The following CSMD2 variants were observed in gnomAD, a reference collection of about 807,000 sequenced individuals.
CSMD2 encodes the protein CUB and Sushi multiple domains 2.
In CSMD2, 130 loss-of-function variants were observed where a neutral mutation model predicts 398.5. The ratio of observed to expected loss-of-function variants is 0.33; its 90% CI spans 0.28 to 0.38. The LOEUF (loss-of-function observed/expected upper bound fraction) is 0.38, where lower values mean the gene tolerates loss of function less well. Among genes scored for constraint, CSMD2 ranks in the 10% least tolerant of loss-of-function variants. The pLI is 1.00. For missense variants in CSMD2, 3,829 were observed against 4,764.9 expected (o/e 0.80, Z 5.78); for synonymous variants, 1,828 against 1,908.5 (o/e 0.96, Z 1.10).
At chr1:33,854,921 C>T (rs914687015) in intron 5 of CSMD2, among the ~76,000 whole-genome samples, 1 of 152,096 alleles carries the variant, frequency 6.6e-6, no homozygotes, top group African/African-American at 2.4e-5. Flanking sequence ...TGGCATATTG[C>T]GAAGGTCTAG....
chr1:33,718,958 T>C (rs1278656497), intron 19 of CSMD2, among the ~76,000 whole-genome samples: 6 of 152,182 alleles, frequency 3.9e-5, no homozygotes, highest in African/African-American at 1.4e-4. Context: ...CTGAGAAGCA[T>C]CAAGGCCTAA....
intron 13 of CSMD2, among the ~76,000 whole-genome samples, chr1:33,747,785 G>A (rs1335222635): frequency 6.6e-6 from 1 of 152,144 alleles, no homozygotes; most frequent in African/African-American, 2.4e-5. Context: ...TTAGAAGAGT[G>A]CTGTAATTTA....
chr1:33,769,286 G>T (rs772152802), intron 13 of CSMD2, among the ~76,000 whole-genome samples: 2 of 152,190 alleles, frequency 1.3e-5, no homozygotes, highest in African/African-American at 4.8e-5. Context: ...ATGACAGCCA[G>T]GATGAGCAAT....
At chr1:33,605,972 G>A in intron 41 of CSMD2, 5 of 1,613,586 alleles carry the variant, frequency 3.1e-6, no homozygotes, top group Non-Finnish European at 4.2e-6. Context: ...AAGAAATCTG[G>A]TGGGAGTAAG....
chr1:33,975,486 T>TACACACATACACACACACAC (rs1553268753), intron 3 of CSMD2, among the ~76,000 whole-genome samples: 1 of 146,360 alleles, frequency 6.8e-6, no homozygotes, highest in Admixed American at 6.8e-5. Context: ...CTCCCAAGTG[T>TACACACATACACACACACAC]ACACACACAC....
intron 2 of CSMD2, among the ~76,000 whole-genome samples, chr1:34,045,052 C>T (rs1054479618): frequency 6.6e-6 from 1 of 151,136 alleles, no homozygotes; most frequent in Admixed American, 6.6e-5. Context: ...CACACACACA[C>T]ACACACACAC....
intron 5 of CSMD2, among the ~76,000 whole-genome samples, chr1:33,849,558 G>A (rs1164410921): frequency 6.6e-6 from 1 of 152,190 alleles, no homozygotes; most frequent in Non-Finnish European, 1.5e-5. Context: ...TGATGGAAAT[G>A]TCTTACATCT....
chr1:33,772,024 C>T (rs1320428022), intron 13 of CSMD2: 1 of 152,782 alleles, frequency 6.5e-6, no homozygotes, highest in African/African-American at 2.4e-5. Context: ...ACAGAGCACT[C>T]AACTCCAACC....
At chr1:34,029,562 T>C (rs1175614956) in intron 3 of CSMD2, among the ~76,000 whole-genome samples, 1 of 152,226 alleles carries the variant, frequency 6.6e-6, no homozygotes, top group Non-Finnish European at 1.5e-5. Context: ...TTTGTCCAGA[T>C]GCATGAATTG....
At chr1:34,134,345 G>T (rs747195316) in intron 1 of CSMD2, among the ~76,000 whole-genome samples, 1 of 152,134 alleles carries the variant, frequency 6.6e-6, no homozygotes, top group African/African-American at 2.4e-5. Flanking sequence ...TAAAGAGGCC[G>T]CAAATATCCC....
At chr1:33,841,491 C>T (rs957336206) in intron 6 of CSMD2, among the ~76,000 whole-genome samples, 1 of 152,160 alleles carries the variant, frequency 6.6e-6, no homozygotes, top group African/African-American at 2.4e-5. Flanking sequence ...TGCTGTCCTC[C>T]CAGCCAGGGA....
intron 20 of CSMD2, among the ~76,000 whole-genome samples, chr1:33,715,194 C>T (rs1163723486): frequency 6.6e-6 from 1 of 152,170 alleles, no homozygotes; most frequent in African/African-American, 2.4e-5. Context: ...CACAGGCTCT[C>T]CTGCTTCCTT....
chr1:33,754,745 A>T (rs960016325), intron 13 of CSMD2, among the ~76,000 whole-genome samples: 3 of 152,174 alleles, frequency 2.0e-5, no homozygotes, highest in Non-Finnish European at 2.9e-5. Context: ...TATGCTAAAA[A>T]TTTTTTGATG....
chr1:33,571,492 G>T, intron 51 of CSMD2, 40 bp downstream of exon 51: 2 of 1,372,642 alleles, frequency 1.5e-6, no homozygotes, highest in Non-Finnish European at 1.9e-6. Context: ...AGGTAGGAGG[G>T]ACCCTGCTAA....
intron 6 of CSMD2, among the ~76,000 whole-genome samples, chr1:33,835,668 TAAAACAAAACAAAAC>T (rs202148694): frequency 0.03 from 2,222 of 73,434 alleles, 62 homozygotes; most frequent in African/African-American, 0.15. Flanking sequence ...TAAAATAAAT[TAAAACAAAACAAAAC>T]AAAACAAAAA....
chr1:33,716,386 T>C lies in CSMD2; in HGVS notation c.3117A>G (p.Pro1039=), dbSNP rs1286812602. 2 of 1,614,104 alleles carry C rather than the reference T, an allele frequency of 1.2e-6. No homozygotes were observed. Among genetic ancestry groups the C allele is most frequent in the Non-Finnish European group, 1.7e-6 (2 of 1,180,014 alleles). The change falls in exon 20 of 71, where the codon CCA becomes CCG. Residue 1039 remains proline, a synonymous_variant. Coordinates refer to ENST00000373381, the MANE Select transcript of CSMD2 (RefSeq NM_001281956.2). The part of the protein sequence containing the change: ...PLRQLTGSRL[P]APISAGLYGN... The stretch of plus-strand genomic sequence containing the variant: ...CATAGAGCCCAGCGCTGATGGGAGC[T>C]GGCAGCCGAGATCCAGTTAGCTGCC...
chr1:33,537,712 T>G lies in CSMD2; in HGVS notation c.9632-103A>C. 7.8e-7 allele frequency: 1 copy of G among 1,283,650 alleles called. No homozygotes were observed. Among genetic ancestry groups the G allele is most frequent in the South Asian group, 1.7e-5 (1 of 60,338 alleles). 79.5% of individuals were successfully genotyped at this position (1,283,650 alleles called of 1,614,324 possible). On this transcript the variant is annotated intron_variant, in intron 60 of 70. Transcript: ENST00000373381. This position sits in a 1 kb window ranked among gnomAD's most constrained non-coding sequence, Gnocchi z 4.6. ...GTTCTTTGCACTGCTCCCTTCCTGG[T>G]TGAGCTTGAACTCTGGGAACCGGGG...
chr1:33,592,975 A>G (rs1639574534), intron 44 of CSMD2, among the ~76,000 whole-genome samples: 1 of 152,064 alleles, frequency 6.6e-6, no homozygotes, highest in Non-Finnish European at 1.5e-5. Context: ...TTATCATGAC[A>G]TATGTGTACA....
chr1:34,165,001 C>G lies in CSMD2; in HGVS notation c.97G>C (p.Gly33Arg). The G allele has an allele frequency of 3.3e-6, 4 of 1,207,942 alleles. No individual in the cohort carries two copies. Among genetic ancestry groups the G allele is most frequent in the Non-Finnish European group, 4.1e-6 (4 of 972,956 alleles). 74.8% of individuals were successfully genotyped at this position (1,207,942 alleles called of 1,614,324 possible). A position where few individuals can be genotyped will look rare whatever the true frequency, so the allele number is the denominator to read the frequency against. Reference protein sequence around the residue: ...TGISALVPGAGSRWGRPPPPT... With the variant: ...TGISALVPGARSRWGRPPPPT... ...GGCGGCGGGCGGCCCCAGCGGCTCC[C>G]GGCGCCCGGCACAAGCGCCGAAATC... is the stretch of plus-strand genomic sequence containing the variant. Residue 33 changes from glycine to arginine, a missense_variant, in exon 1 of 71, where the codon GGG becomes CGG. Around this residue, in one of 5 missense-constraint regions of CSMD2, gnomAD observed 184 missense variants for 217.7 expected, o/e 0.85. Coordinates refer to ENST00000373381, the MANE Select transcript of CSMD2 (RefSeq NM_001281956.2).
Sources: gnomAD v4.1 joint callset for allele counts (sites outside exome capture counted in the v4.1 genomes callset) on GRCh38, gnomAD v4.1.1 for gene constraint, gnomAD v4.1.1 regional missense constraint, Gnocchi (gnomAD v3.1) non-coding constraint, MANE v1.5 for transcripts, NCBI Gene and HGNC (gene_info 2026-07-23, HGNC 2026-07-21) for gene names.